Variants in SLC24A4 observed in about 807,000 individuals in gnomAD.
SLC24A4 encodes sodium/potassium/calcium exchanger 4.
Under a neutral mutation model 79.0 loss-of-function variants are expected in SLC24A4, and 53 were observed. The observed-to-expected ratio is 0.67, with a 90% CI of 0.54 to 0.84. The LOEUF is 0.84. Ranked by LOEUF, SLC24A4 falls within the 40% of genes least tolerant of loss-of-function variation. SLC24A4 has a pLI of 0.00. For missense variants in SLC24A4, 731 were observed against 822.0 expected, an observed-to-expected ratio of 0.89 and a Z score of 1.35; for synonymous variants, 323 against 323.8, an observed-to-expected ratio of 1.00 and a Z score of 0.03.
In SLC24A4 at chr14:92,325,922, G is replaced by C. The variant is rs1187111470; in HGVS notation, c.185G>C (p.Arg62Thr). 1 of 1,613,128 alleles carries C rather than the reference G, an allele frequency of 6.2e-7. No homozygotes were observed. Residue 62 changes from arginine (R) to threonine (T), a missense_variant, in exon 2 of 17, where the codon AGA becomes ACA. Arg to Thr is a moderately conservative substitution (Grantham distance 71). Transcript: ENST00000532405. ...KRVLPDTWRN[R>T]KLMAPVNGTQ... Reference sequence around the variant, plus strand: ...GTCCTGCCAGACACGTGGAGAAATAGAAAGTTGATGGCCCCAGTGAATGGG... The same window carrying C: ...GTCCTGCCAGACACGTGGAGAAATACAAAGTTGATGGCCCCAGTGAATGGG...
Position 92,456,598 on chromosome 14 carries a change from C to T in SLC24A4, c.1245C>T (p.Phe415=). ...EPVEADFLSP[F]SVPEARGDKV... Reference sequence around the variant, plus strand: ...TGGAGGCTGACTTCCTGTCCCCCTTCTCCGTGCCGGGTGAGTTCTGGGGGT... The same window carrying T: ...TGGAGGCTGACTTCCTGTCCCCCTTTTCCGTGCCGGGTGAGTTCTGGGGGT... Residue 415 remains phenylalanine (F), a synonymous_variant, in exon 12 of 17, where the codon TTC becomes TTT. Coordinates refer to ENST00000532405, the MANE Select transcript of SLC24A4 (RefSeq NM_153646.4). The T allele has an allele frequency of 1.2e-6, 2 of 1,613,414 alleles. No individual in the cohort carries two copies. Among genetic ancestry groups the T allele is most frequent in the South Asian group, 1.1e-5 (1 of 91,064 alleles).
chr14:92,426,285 C>T (rs974490433), intron 2 of SLC24A4, among the ~76,000 whole-genome samples: 6 of 152,116 alleles, frequency 3.9e-5, no homozygotes, highest in Non-Finnish European at 7.3e-5. Context: ...GCTGCTTTCA[C>T]TCACGGTGGA....
At chr14:92,443,593 G>A (rs1339614678) in intron 7 of SLC24A4, 119 bp downstream of exon 7, 2 of 1,000,342 alleles carry the variant, frequency 2.0e-6, no homozygotes, top group Non-Finnish European at 3.0e-6. Context: ...CACAATAGTG[G>A]GGTGTGCCAG....
At chr14:92,460,296 C>T (rs1893725487) in intron 12 of SLC24A4, among the ~76,000 whole-genome samples, 1 of 152,158 alleles carries the variant, frequency 6.6e-6, no homozygotes, top group Non-Finnish European at 1.5e-5. Flanking sequence ...GGTGACGGCA[C>T]CTACCTCCCA....
chr14:92,488,781 G>A (rs1317772696), intron 14 of SLC24A4, among the ~76,000 whole-genome samples: 4 of 152,316 alleles, frequency 2.6e-5, no homozygotes, highest in African/African-American at 7.2e-5. Flanking sequence ...CAGCGCCAGC[G>A]GTGCACAGAT....
At chr14:92,424,922 A>G (rs1388965833) in intron 2 of SLC24A4, among the ~76,000 whole-genome samples, 1 of 149,110 alleles carries the variant, frequency 6.7e-6, no homozygotes, top group East Asian at 2.0e-4. Context: ...GGGAACTAAT[A>G]GAATGAGAAG....
intron 2 of SLC24A4, among the ~76,000 whole-genome samples, chr14:92,392,288 TTGAAAGAAAAGACGATAGCAAAAAA>T (rs1324361672): frequency 6.6e-6 from 1 of 151,558 alleles, no homozygotes; most frequent in African/African-American, 2.4e-5. Context: ...TTTAGAATCA[TTGAAAGAAAAGACGATAGCAAAAAA>T]TGTGTTTTCT....
At position 92,422,342 on chromosome 14, in the gene SLC24A4, A is replaced by G. The variant is rs1049405727; in HGVS notation, c.242-11570A>G. Among the ~76,000 whole-genome samples the G allele has an allele frequency of 3.9e-4, 60 of 152,350 alleles. 1 individual carries two copies. The highest frequency in any genetic ancestry group is 1.4e-3 in the African/African-American group (59 of 41,590). On this transcript the variant is annotated intron_variant, in intron 2 of 16. Transcript: ENST00000532405. ...TATGACTTTCACCCTGATATTTTGA[A>G]TGTCACCCTTAGAAGAAATTTCACA...
intron 12 of SLC24A4, among the ~76,000 whole-genome samples, chr14:92,474,804 C>T (rs1248295163): frequency 2.2e-4 from 6 of 27,630 alleles, no homozygotes; most frequent in Admixed American, 4.4e-4. Flanking sequence ...TATATATATA[C>T]ATATATACAT....
intron 2 of SLC24A4, among the ~76,000 whole-genome samples, chr14:92,355,061 A>C (rs1477425138): frequency 2.0e-5 from 3 of 152,264 alleles, no homozygotes; most frequent in East Asian, 1.9e-4. Flanking sequence ...GTGACAGAGA[A>C]AGACTCTATC....
At chr14:92,485,614 AG>A (rs1325049925) in intron 13 of SLC24A4, among the ~76,000 whole-genome samples, 1 of 152,262 alleles carries the variant, frequency 6.6e-6, no homozygotes, top group East Asian at 1.9e-4. Flanking sequence ...TTTTAAAGAA[AG>A]GATCCAGCGA....
rs780908617 is a variant in SLC24A4 at position 92,323,850 on chromosome 14, T to C, written c.20T>C (p.Leu7Pro). MALRGTLRPLKVRRRRE... is the reference protein window; with the variant it reads MALRGTPRPLKVRRRRE... ...TCCGGGATGGCGCTCCGCGGGACCC[T>C]CCGGCCGCTCAAAGTTCGCAGGAGG... Residue 7 changes from leucine (L) to proline (P), a missense_variant, in exon 1 of 17, where the codon CTC (leucine) becomes CCC (proline). Physicochemically the swap from Leu to Pro is moderately conservative, Grantham distance 98. Transcript: ENST00000532405. This position sits in a 1 kb window ranked among gnomAD's most constrained non-coding sequence, Gnocchi z 4.9. 190 of 1,588,906 alleles carry C rather than the reference T, an allele frequency of 1.2e-4. 1 individual carries two copies. The highest frequency in any genetic ancestry group is 1.1e-3 in the Middle Eastern group (6 of 5,540).
At chr14:92,342,320 G>T (rs1886193779) in intron 2 of SLC24A4, among the ~76,000 whole-genome samples, 1 of 150,566 alleles carries the variant, frequency 6.6e-6, no homozygotes, top group Non-Finnish European at 1.5e-5. Flanking sequence ...GTGGGGGGGG[G>T]GTCTCCATTT....
chr14:92,403,606 T>TA lies in SLC24A4; in HGVS notation c.242-30290dup, dbSNP rs78331584. On this transcript the variant is annotated intron_variant, in intron 2 of 16. Transcript: ENST00000532405. ...CTGGGTGACAGAGCGAGACTCCATC[T>TA]AAAAAAAAAAAAAAAAGCTCTGAGA... Among the ~76,000 whole-genome samples the TA allele has an allele frequency of 1.9e-3, 207 of 110,106 alleles. 1 individual carries two copies. The highest frequency in any genetic ancestry group is 0.014 in the Middle Eastern group (2 of 146). 72.2% of individuals were successfully genotyped at this position (110,106 alleles called of 152,430 possible).
chr14:92,433,836 A>G, intron 2 of SLC24A4, 76 bp from the exon 3 acceptor site: 1 of 1,263,938 alleles, frequency 7.9e-7, no homozygotes, highest in Non-Finnish European at 1.2e-6. Context: ...TCCTTAGTGA[A>G]CTCTCAGAAG....
At chr14:92,333,863 G>A (rs1426225875) in intron 2 of SLC24A4, among the ~76,000 whole-genome samples, 2 of 152,282 alleles carry the variant, frequency 1.3e-5, no homozygotes, top group Non-Finnish European at 2.9e-5. Flanking sequence ...CCCTGGGCAC[G>A]GGAGCTGACA....
chr14:92,333,815 GC>G (rs1222689774), intron 2 of SLC24A4, among the ~76,000 whole-genome samples: 1 of 152,112 alleles, frequency 6.6e-6, no homozygotes, highest in Non-Finnish European at 1.5e-5. Flanking sequence ...GTTGTGGGGT[GC>G]GGGGGGAGAG....
At chr14:92,450,052 C>T (rs1225847937) in intron 10 of SLC24A4, among the ~76,000 whole-genome samples, 3 of 152,218 alleles carry the variant, frequency 2.0e-5, no homozygotes, top group Non-Finnish European at 1.5e-5. Context: ...CTGGTTCTTG[C>T]AATTGGTATG....
At chr14:92,374,334 C>T (rs925607266) in intron 2 of SLC24A4, among the ~76,000 whole-genome samples, 1 of 152,214 alleles carries the variant, frequency 6.6e-6, no homozygotes, top group Non-Finnish European at 1.5e-5. Context: ...GCGACTTGTC[C>T]CTAGGTCCTC....
Sources: allele counts gnomAD v4.1 joint callset (sites outside exome capture counted in the v4.1 genomes callset), GRCh38; gene constraint gnomAD v4.1.1; non-coding constraint Gnocchi (gnomAD v3.1); transcripts MANE v1.5; gene names NCBI Gene and HGNC (gene_info 2026-07-23, HGNC 2026-07-21).